RNF139: variants seen among roughly 807,000 people sequenced by gnomAD.
RNF139 encodes the protein E3 ubiquitin-protein ligase RNF139.
Under a neutral mutation model 49.5 loss-of-function variants are expected in RNF139, and 15 were observed. The ratio of observed to expected loss-of-function variants is 0.30; its 90% CI spans 0.20 to 0.47. The LOEUF is 0.47. Ranked by LOEUF, RNF139 falls within the 20% of genes least tolerant of loss-of-function variation. The pLI, the probability that RNF139 is intolerant of heterozygous loss-of-function variation, is 1.00. For synonymous variants in RNF139, 325 were observed against 300.9 expected (o/e 1.08, Z -0.83); for missense variants, 619 against 806.3 (o/e 0.77, Z 2.81).
intron 1 of RNF139, 84 bp downstream of exon 1, chr8:124,475,374 AT>A: frequency 7.2e-7 from 1 of 1,386,770 alleles, no homozygotes; most frequent in Non-Finnish European, 1.0e-6. Flanking sequence ...CGCAGAGGCC[AT>A]GGGTCGAGTA....
In RNF139 at chr8:124,478,562, C is replaced by A. The variant is rs543715050; in HGVS notation, c.181+3272C>A. Among the ~76,000 whole-genome samples, 49 of 149,252 alleles carry A rather than the reference C, an allele frequency of 3.3e-4. 3 individuals carry two copies. The South Asian group carries it at 4.9e-3, about 15-fold the overall frequency. On this transcript the variant is annotated intron_variant, in intron 1 of 1. Transcript: ENST00000303545. ...GGTGGAGGTTGCAGTGAGCCAAGAT[C>A]GCGCCACTGCACTCCAGCCTGGGCG...
At chr8:124,477,431 T>C (rs1203938215) in intron 1 of RNF139, among the ~76,000 whole-genome samples, 2 of 152,250 alleles carry the variant, frequency 1.3e-5, no homozygotes, top group East Asian at 3.8e-4. Flanking sequence ...GACTTCTCAG[T>C]ACTACTGTGT....
Position 124,474,985 on chromosome 8 carries a change from G to C in RNF139, c.-125G>C, listed in dbSNP as rs1320940736. 5.5e-6 allele frequency: 3 copies of C among 545,810 alleles called. No individual in the cohort carries two copies. The highest frequency in any genetic ancestry group is 2.7e-6 in the Non-Finnish European group (1 of 374,490). The allele number at this position is 545,810 out of a possible 1,614,324, so 33.8% of individuals were successfully genotyped here. ...GCGGGCGGCGGGGCTGGCCGTGAGA[G>C]AGACAGGAGAGGAAGGAGGGCAGGG... On this transcript the variant is annotated 5_prime_UTR_variant, in exon 1 of 2. Transcript: ENST00000303545. This position sits in a 1 kb window ranked among gnomAD's most constrained non-coding sequence, Gnocchi z 4.6.
rs1488392844 is a variant in RNF139 at position 124,476,759 on chromosome 8, CATG to C, written c.181+1472_181+1474del. On this transcript the variant is annotated intron_variant, in intron 1 of 1. Transcript: ENST00000303545. ...GTGACTGCTTTGAATATTCTTACAGCATGATAACTGCAGATTCTGTGAGAATCC... is the reference window on the plus strand; with the variant it reads ...GTGACTGCTTTGAATATTCTTACAGCATAACTGCAGATTCTGTGAGAATCC... Among the ~76,000 whole-genome samples the C allele has an allele frequency of 1.0e-3, 157 of 152,344 alleles. 1 individual carries two copies. Among genetic ancestry groups the C allele is most frequent in the African/African-American group, 3.7e-3 (152 of 41,578 alleles).
intron 1 of RNF139, among the ~76,000 whole-genome samples, chr8:124,484,313 T>C (rs1434565662): frequency 2.0e-5 from 3 of 152,184 alleles, no homozygotes; most frequent in Admixed American, 6.5e-5. Flanking sequence ...TTGATAGTAA[T>C]TTCAGAGCCG....
intron 1 of RNF139, among the ~76,000 whole-genome samples, chr8:124,484,978 A>G (rs1816504822): frequency 6.6e-6 from 1 of 152,206 alleles, no homozygotes; most frequent in African/African-American, 2.4e-5. Flanking sequence ...GTAGGAAATA[A>G]GAGCTGGCAT....
Position 124,486,761 on chromosome 8 carries a change from C to T in RNF139, c.1112C>T (p.Thr371Ile), listed in dbSNP as rs1431551268. The change falls in exon 2 of 2, where the codon ACA (threonine) becomes ATA (isoleucine). Residue 371 changes from threonine (T) to isoleucine (I), a missense_variant. This residue lies in a region of RNF139 where 530 missense variants were observed against 728.9 expected (regional missense o/e 0.73). Transcript: ENST00000303545. ...TAVLHFIHGM[T>I]DPVLMSLSAS... ...GTCCTGCATTTTATCCATGGAATGA[C>T]AGACCCTGTATTAATGTCTCTCAGT... The T allele has an allele frequency of 4.3e-6, 7 of 1,613,836 alleles. No individual in the cohort carries two copies. The highest frequency in any genetic ancestry group is 4.2e-6 in the Non-Finnish European group (5 of 1,179,952).
In RNF139 at chr8:124,487,934, G is replaced by A; in HGVS notation, c.*290G>A. On this transcript the variant is annotated 3_prime_UTR_variant, in exon 2 of 2. Coordinates refer to ENST00000303545, the MANE Select transcript of RNF139 (RefSeq NM_007218.4). ...CAAATAGCTTTTTAATAGATGTAATGATCATATGGTGCGTCACCTGTGCCA... is the reference window on the plus strand; with the variant it reads ...CAAATAGCTTTTTAATAGATGTAATAATCATATGGTGCGTCACCTGTGCCA... 1 of 283,416 alleles carries A rather than the reference G, an allele frequency of 3.5e-6. No individual in the cohort carries two copies. Among genetic ancestry groups the A allele is most frequent in the Non-Finnish European group, 6.6e-6 (1 of 151,938 alleles). The allele number at this position is 283,416 out of a possible 1,614,324, so 17.6% of individuals were successfully genotyped here.
rs369445348 is a variant in RNF139, at chr8:124,483,046, A to T, written c.182-2785A>T. 3.7e-4 allele frequency among the ~76,000 whole-genome samples: 8 copies of T among 21,348 alleles called. 1 individual carries two copies. Among genetic ancestry groups the T allele is most frequent in the South Asian group, 3.7e-3 (3 of 818 alleles). 14.0% of individuals were successfully genotyped at this position (21,348 alleles called of 152,430 possible). ...ATATTTAAATATATATATATTTAAA[A>T]ATATATCTATTAAAAATATATATAT... On this transcript the variant is annotated intron_variant, in intron 1 of 1. Transcript: ENST00000303545.
chr8:124,478,601 G>A (rs1284158649), intron 1 of RNF139, among the ~76,000 whole-genome samples: 2 of 135,034 alleles, frequency 1.5e-5, no homozygotes, highest in African/African-American at 5.5e-5. Flanking sequence ...GAGCGAGACT[G>A]TCTCAAAAAA....
intron 1 of RNF139, among the ~76,000 whole-genome samples, chr8:124,482,943 A>T (rs28549965): frequency 0.19 from 17,464 of 94,308 alleles, 2,195 homozygotes; most frequent in Middle Eastern, 0.25. Context: ...TATAAAAAAA[A>T]ATATATATAT....
intron 1 of RNF139, among the ~76,000 whole-genome samples, chr8:124,481,374 T>C (rs72713059): frequency 0.052 from 7,929 of 152,280 alleles, 275 homozygotes; most frequent in East Asian, 0.093. Flanking sequence ...TGTACCCTGA[T>C]TTTTAGTCAT....
intron 1 of RNF139, among the ~76,000 whole-genome samples, chr8:124,483,567 T>G (rs970857502): frequency 1.3e-5 from 2 of 152,050 alleles, no homozygotes; most frequent in Non-Finnish European, 2.9e-5. Context: ...CCTGAGTAGC[T>G]GGGAGTACAG....
intron 1 of RNF139, among the ~76,000 whole-genome samples, chr8:124,483,900 G>A (rs1034571958): frequency 6.6e-6 from 1 of 152,020 alleles, no homozygotes; most frequent in African/African-American, 2.4e-5. Flanking sequence ...TACTTATTTT[G>A]TACAAAATAT....
rs1816290148 is a variant in RNF139, at chr8:124,475,153, A to G, written c.44A>G (p.His15Arg). The change falls in exon 1 of 2, where the codon CAT (histidine) becomes CGT (arginine). Residue 15 changes from histidine (H) to arginine (R), a missense_variant. By Grantham distance (29) the His-to-Arg change is conservative. Transcript: ENST00000303545. ...CCGCAGCAGCAGGTGCGGATGGCCC[A>G]TCAGCAGGTCTGGGCGGCGCTCGAA... ...GPPQQQVRMA[H>R]QQVWAALEVA... 6.2e-7 allele frequency: 1 copy of G among 1,605,776 alleles called. No individual in the cohort carries two copies.
rs977550199 is a variant in RNF139 at position 124,480,333 on chromosome 8, T to C, written c.181+5043T>C. On this transcript the variant is annotated intron_variant, in intron 1 of 1. Coordinates refer to ENST00000303545, the MANE Select transcript of RNF139 (RefSeq NM_007218.4). The stretch of plus-strand genomic sequence containing the variant: ...TTGATAAACCGAATGATATTGAGGT[T>C]AAAAACCTATGTTAATCAAAAGATC... Among the ~76,000 whole-genome samples, 24 of 145,534 alleles carry C rather than the reference T, an allele frequency of 1.6e-4. 1 individual carries two copies. Among genetic ancestry groups the C allele is most frequent in the African/African-American group, 5.6e-4 (22 of 39,116 alleles).
At chr8:124,478,605 C>CA (rs372190245) in intron 1 of RNF139, among the ~76,000 whole-genome samples, 12,295 of 95,710 alleles carry the variant, frequency 0.13, 751 homozygotes, top group South Asian at 0.37. Context: ...GAGACTGTCT[C>CA]AAAAAAAAAA....
intron 1 of RNF139, 30 bp from the exon 2 acceptor site, chr8:124,485,801 T>C: frequency 1.3e-6 from 2 of 1,526,976 alleles, no homozygotes; most frequent in South Asian, 1.2e-5. Context: ...AAATACTTCA[T>C]TCAAATGACT....
chr8:124,481,540 G>C (rs1816408751), intron 1 of RNF139, among the ~76,000 whole-genome samples: 1 of 151,958 alleles, frequency 6.6e-6, no homozygotes, highest in African/African-American at 2.4e-5. Flanking sequence ...ACTCTTTCAT[G>C]AGTTGAGTTC....
Sources: gnomAD v4.1 joint callset for allele counts (sites outside exome capture counted in the v4.1 genomes callset) on GRCh38, gnomAD v4.1.1 for gene constraint, gnomAD v4.1.1 regional missense constraint, Gnocchi (gnomAD v3.1) non-coding constraint, MANE v1.5 for transcripts, NCBI Gene and HGNC (gene_info 2026-07-23, HGNC 2026-07-21) for gene names.